The following ATG10 variants were observed in gnomAD, a reference collection of about 807,000 sequenced individuals.
ATG10 encodes the protein autophagy related 10, also known as ubiquitin-like-conjugating enzyme ATG10.
In ATG10, 30 loss-of-function variants were observed where a neutral mutation model predicts 32.1. The ratio of observed to expected loss-of-function variants is 0.94; its 90% CI spans 0.70 to 1.27. The LOEUF is 1.27. Ranked by LOEUF, ATG10 falls within the 50% of genes most tolerant of loss-of-function variation. ATG10 has a pLI of 0.00. For synonymous variants in ATG10, 87 were observed against 91.5 expected (o/e 0.95, Z 0.28); for missense variants, 233 against 262.3 (o/e 0.89, Z 0.77).
intron 2 of ATG10, among the ~76,000 whole-genome samples, chr5:82,011,634 T>C (rs758458732): frequency 6.6e-6 from 1 of 152,246 alleles, no homozygotes; most frequent in Non-Finnish European, 1.5e-5. Context: ...TAATTGCTGA[T>C]GATTGGTCAG....
chr5:82,059,406 A>T (rs72776842), intron 3 of ATG10, among the ~76,000 whole-genome samples: 13 of 83,434 alleles, frequency 1.6e-4, no homozygotes, highest in Admixed American at 2.4e-4. Flanking sequence ...ACACACACAC[A>T]CTTTTTTTTT....
At chr5:82,160,216 G>T (rs948400779) in intron 3 of ATG10, among the ~76,000 whole-genome samples, 3 of 152,026 alleles carry the variant, frequency 2.0e-5, no homozygotes, top group African/African-American at 7.2e-5. Context: ...ACTAATCTGC[G>T]GTTTTTGACT....
intron 3 of ATG10, among the ~76,000 whole-genome samples, chr5:82,090,259 G>A (rs1263678481): frequency 6.6e-6 from 1 of 151,952 alleles, no homozygotes; most frequent in East Asian, 1.9e-4. Flanking sequence ...ATGCTTCTGG[G>A]CATCTATCCC....
intron 3 of ATG10, among the ~76,000 whole-genome samples, chr5:82,086,117 A>G (rs947221590): frequency 6.6e-6 from 1 of 152,164 alleles, no homozygotes; most frequent in Non-Finnish European, 1.5e-5. Flanking sequence ...CCAAATTACC[A>G]TTTCCCATTA....
intron 5 of ATG10, among the ~76,000 whole-genome samples, chr5:82,199,152 G>A (rs1271706767): frequency 6.6e-6 from 1 of 152,152 alleles, no homozygotes; most frequent in Non-Finnish European, 1.5e-5. Context: ...AGAAAACAAG[G>A]TAAGGAATCT....
At chr5:82,222,172 T>C (rs1745954232) in intron 5 of ATG10, among the ~76,000 whole-genome samples, 5 of 152,232 alleles carry the variant, frequency 3.3e-5, no homozygotes, top group Admixed American at 3.3e-4. Context: ...AGACAAAGTA[T>C]AGTTAGTGGT....
chr5:82,203,395 C>G (rs1745152819), intron 5 of ATG10, among the ~76,000 whole-genome samples: 1 of 152,108 alleles, frequency 6.6e-6, no homozygotes, highest in Non-Finnish European at 1.5e-5. Context: ...GTGACTTACC[C>G]CCAAAGAGGT....
At chr5:82,045,946 T>A (rs1763223626) in intron 2 of ATG10, among the ~76,000 whole-genome samples, 1 of 152,126 alleles carries the variant, frequency 6.6e-6, no homozygotes, top group African/African-American at 2.4e-5. Context: ...TAAAAAGCAG[T>A]GATTGTACTA....
intron 2 of ATG10, among the ~76,000 whole-genome samples, chr5:81,990,934 T>G (rs528192979): frequency 6.6e-6 from 1 of 152,342 alleles, no homozygotes; most frequent in African/African-American, 2.4e-5. Context: ...TTAAAAAAGA[T>G]TATTTTTCCA....
At chr5:82,186,379 C>G (rs1744442733) in intron 5 of ATG10, among the ~76,000 whole-genome samples, 1 of 152,140 alleles carries the variant, frequency 6.6e-6, no homozygotes, top group South Asian at 2.1e-4. Context: ...TTCAGTGATT[C>G]TGCCACACTT....
chr5:82,174,226 C>T (rs1204484595), intron 4 of ATG10, among the ~76,000 whole-genome samples: 1 of 152,128 alleles, frequency 6.6e-6, no homozygotes, highest in Admixed American at 6.5e-5. Context: ...TGTGACTAGG[C>T]AAACCAGTGA....
intron 2 of ATG10, among the ~76,000 whole-genome samples, chr5:82,043,851 T>A (rs1194541844): frequency 6.6e-6 from 1 of 152,166 alleles, no homozygotes; most frequent in East Asian, 1.9e-4. Flanking sequence ...CATATCACCA[T>A]CACCATTTTA....
chr5:82,098,508 A>C (rs549493865), intron 3 of ATG10, among the ~76,000 whole-genome samples: 1 of 151,716 alleles, frequency 6.6e-6, no homozygotes, highest in African/African-American at 2.4e-5. Flanking sequence ...ATGCGGTTTC[A>C]CCATCTTGGC....
chr5:82,004,384 T>C (rs1761932642), intron 2 of ATG10, among the ~76,000 whole-genome samples: 1 of 152,160 alleles, frequency 6.6e-6, no homozygotes, highest in Non-Finnish European at 1.5e-5. Flanking sequence ...CTGTATGAAG[T>C]ATTTGCGTCC....
intron 3 of ATG10, among the ~76,000 whole-genome samples, chr5:82,113,471 C>A (rs561995398): frequency 6.6e-6 from 1 of 151,886 alleles, no homozygotes; most frequent in Non-Finnish European, 1.5e-5. Flanking sequence ...ATAAAATTAT[C>A]TGCCATAACT....
intron 3 of ATG10, among the ~76,000 whole-genome samples, chr5:82,161,634 T>G (rs1407067853): frequency 1.3e-5 from 2 of 148,724 alleles, no homozygotes; most frequent in Non-Finnish European, 3.0e-5. Flanking sequence ...AAGTATGCAC[T>G]TAAGAATTGC....
chr5:81,980,767 C>T (rs1016884054), intron 1 of ATG10, among the ~76,000 whole-genome samples: 1 of 152,068 alleles, frequency 6.6e-6, no homozygotes, highest in Non-Finnish European at 1.5e-5. Flanking sequence ...CAGGGCTTTA[C>T]CTTCCACATC....
At chr5:82,083,311 G>A (rs1373244204) in intron 3 of ATG10, among the ~76,000 whole-genome samples, 6 of 152,182 alleles carry the variant, frequency 3.9e-5, no homozygotes, top group Non-Finnish European at 8.8e-5. Flanking sequence ...TGAGGCTTGC[G>A]TAGGTAAACA....
intron 4 of ATG10, among the ~76,000 whole-genome samples, chr5:82,165,285 T>A (rs1743530623): frequency 6.6e-6 from 1 of 152,372 alleles, no homozygotes; most frequent in Admixed American, 6.5e-5. Flanking sequence ...CTATTTCTCC[T>A]TTTGTATCTG....
Sources: allele counts gnomAD v4.1 joint callset (sites outside exome capture counted in the v4.1 genomes callset), GRCh38; gene constraint gnomAD v4.1.1; transcripts MANE v1.5; gene names NCBI Gene and HGNC (gene_info 2026-07-23, HGNC 2026-07-21).